Variants in PPM1A observed in about 807,000 individuals in gnomAD.
PPM1A encodes the protein protein phosphatase, Mg2+/Mn2+ dependent 1A.
In PPM1A, 7 loss-of-function variants were observed where a neutral mutation model predicts 35.0. The observed-to-expected ratio is 0.20, with a 90% CI of 0.11 to 0.38. The LOEUF (loss-of-function observed/expected upper bound fraction) is 0.38. Among genes scored for constraint, PPM1A ranks in the 10% least tolerant of loss-of-function variants. The pLI, the probability that PPM1A is intolerant of heterozygous loss-of-function variation, is 1.00. For synonymous variants in PPM1A, 153 were observed against 167.3 expected (o/e 0.91, Z 0.66); for missense variants, 239 against 467.8 (o/e 0.51, Z 4.51).
intron 3 of PPM1A, chr14:60,287,038 T>G (rs1333598333): frequency 2.1e-6 from 2 of 932,778 alleles, no homozygotes; most frequent in Non-Finnish European, 2.6e-6. Context: ...AAGAATAATA[T>G]GTATAGGGAT....
intron 1 of PPM1A, among the ~76,000 whole-genome samples, chr14:60,255,984 G>T (rs920720528): frequency 2.6e-5 from 4 of 152,192 alleles, no homozygotes; most frequent in African/African-American, 9.7e-5. Context: ...ACAGGAATTA[G>T]ATGATGTGTT....
At chr14:60,257,156 A>G (rs1883230186) in intron 1 of PPM1A, among the ~76,000 whole-genome samples, 1 of 152,204 alleles carries the variant, frequency 6.6e-6, no homozygotes, top group South Asian at 2.1e-4. Flanking sequence ...ATTCATGTTT[A>G]CTACTTTGCA....
In PPM1A at chr14:60,249,767, A is replaced by C; in HGVS notation, c.-21+90A>C. 2 of 841,054 alleles carry C rather than the reference A, an allele frequency of 2.4e-6. No homozygotes were observed. The highest frequency in any genetic ancestry group is 2.9e-6 in the Non-Finnish European group (2 of 698,608). 52.1% of individuals were successfully genotyped at this position (841,054 alleles called of 1,614,324 possible). On this transcript the variant is annotated intron_variant, in intron 1 of 5. Transcript: ENST00000395076. This position sits in a 1 kb window ranked among gnomAD's most constrained non-coding sequence, Gnocchi z 4.5. The stretch of plus-strand genomic sequence containing the variant: ...CGGGCAGGCCTGGGGCCTGTAAACA[A>C]GCCGGGCGTCTGCCCGGGCGCTCCC...
At chr14:60,286,797 G>A (rs990327840) in intron 3 of PPM1A, 8 of 980,862 alleles carry the variant, frequency 8.2e-6, no homozygotes, top group Non-Finnish European at 8.5e-6. Flanking sequence ...ATTGCTGTCC[G>A]CCACTTGATA....
chr14:60,286,328 A>G, intron 3 of PPM1A: 1 of 985,838 alleles, frequency 1.0e-6, no homozygotes, highest in Non-Finnish European at 1.2e-6. Context: ...CACCTGGCAG[A>G]AAAGTAACTG....
intron 1 of PPM1A, among the ~76,000 whole-genome samples, chr14:60,270,784 C>G (rs1454792191): frequency 6.6e-6 from 1 of 152,028 alleles, no homozygotes; most frequent in Non-Finnish European, 1.5e-5. Context: ...GGATTTTGTC[C>G]TATTAACCTG....
chr14:60,253,041 G>C (rs1221475485), intron 1 of PPM1A, among the ~76,000 whole-genome samples: 1 of 152,106 alleles, frequency 6.6e-6, no homozygotes, highest in African/African-American at 2.4e-5. Context: ...AAAGGTACAG[G>C]CTTTTAATGT....
At chr14:60,267,019 C>T (rs1360607685) in intron 1 of PPM1A, among the ~76,000 whole-genome samples, 1 of 152,068 alleles carries the variant, frequency 6.6e-6, no homozygotes, top group African/African-American at 2.4e-5. Flanking sequence ...TAAGTGATTA[C>T]TGTTAATCAT....
rs750385059 is a variant in PPM1A, at chr14:60,291,445, TGAC to T, written c.1114_1116del (p.Asp372del). The T allele has an allele frequency of 1.3e-6, 2 of 1,575,752 alleles. No individual in the cohort carries two copies. Among genetic ancestry groups the T allele is most frequent in the Admixed American group, 1.7e-5 (1 of 57,794 alleles). ...ACAATAGACTGAATCCTTACAAAAATGACGACACTGTAAGTAGCATTTTAGCTC... is the reference window on the plus strand; with the variant it reads ...ACAATAGACTGAATCCTTACAAAAATGACACTGTAAGTAGCATTTTAGCTC... On this transcript the variant is annotated inframe_deletion, in exon 5 of 6. Transcript: ENST00000395076.
chr14:60,299,019 T>C lies in PPM1A; in HGVS notation c.*6537T>C, dbSNP rs1595391504. 1 of 152,000 alleles carries C rather than the reference T, an allele frequency of 6.6e-6. No individual in the cohort carries two copies. Among genetic ancestry groups the C allele is most frequent in the Non-Finnish European group, 1.5e-5 (1 of 67,782 alleles). 9.4% of individuals were successfully genotyped at this position (152,000 alleles called of 1,614,324 possible). A position where few individuals can be genotyped will look rare whatever the true frequency, so the allele number is the denominator to read the frequency against. ...CTGCGAATGGTTGCAGATTGTATGT[T>C]AGATGAAAAGTAGAAATAATTTCTA... On this transcript the variant is annotated 3_prime_UTR_variant, in exon 6 of 6. Coordinates refer to ENST00000395076, the MANE Select transcript of PPM1A (RefSeq NM_021003.5). This position sits in a 1 kb window ranked among gnomAD's most constrained non-coding sequence, Gnocchi z 4.2.
chr14:60,270,157 C>T (rs1055713733), intron 1 of PPM1A, among the ~76,000 whole-genome samples: 2 of 151,972 alleles, frequency 1.3e-5, no homozygotes, highest in East Asian at 1.9e-4. Flanking sequence ...TTGTCCTGTT[C>T]GTTTTTACCC....
At chr14:60,259,455 T>G (rs1050768739) in intron 1 of PPM1A, among the ~76,000 whole-genome samples, 8 of 152,090 alleles carry the variant, frequency 5.3e-5, no homozygotes, top group Non-Finnish European at 1.2e-4. Flanking sequence ...AAGGATGGAT[T>G]GGATCAGGAA....
intron 1 of PPM1A, among the ~76,000 whole-genome samples, chr14:60,280,002 T>C (rs1460094027): frequency 6.6e-6 from 1 of 152,194 alleles, no homozygotes; most frequent in African/African-American, 2.4e-5. Flanking sequence ...TAGTGCCTTC[T>C]TATATACTTT....
At chr14:60,250,729 A>G (rs1203202563) in intron 1 of PPM1A, among the ~76,000 whole-genome samples, 3 of 152,240 alleles carry the variant, frequency 2.0e-5, no homozygotes, top group Non-Finnish European at 4.4e-5. Flanking sequence ...TTTGTAAAAC[A>G]GTCTTTTCAA....
intron 1 of PPM1A, among the ~76,000 whole-genome samples, chr14:60,256,315 T>TC (rs1377636344): frequency 7.9e-5 from 12 of 152,106 alleles, no homozygotes; most frequent in Admixed American, 7.9e-4. Context: ...CCGCCTGTAG[T>TC]CCCAGCTACC....
intron 1 of PPM1A, among the ~76,000 whole-genome samples, chr14:60,250,065 C>G (rs1330397876): frequency 6.6e-6 from 1 of 151,134 alleles, no homozygotes; most frequent in Non-Finnish European, 1.5e-5. Flanking sequence ...CCCGCGCCCC[C>G]ACCCGCTCGG....
intron 1 of PPM1A, among the ~76,000 whole-genome samples, chr14:60,264,497 T>A (rs1428427769): frequency 6.6e-6 from 1 of 152,218 alleles, no homozygotes; most frequent in East Asian, 1.9e-4. Context: ...ATATTATAAC[T>A]GTGACATGTT....
intron 1 of PPM1A, among the ~76,000 whole-genome samples, chr14:60,254,458 A>T (rs1882808386): frequency 6.6e-6 from 1 of 152,182 alleles, no homozygotes; most frequent in South Asian, 2.1e-4. Flanking sequence ...AGGAAGGACA[A>T]GGGTTGGTAT....
chr14:60,266,809 A>T (rs1219778411), intron 1 of PPM1A, among the ~76,000 whole-genome samples: 1 of 152,164 alleles, frequency 6.6e-6, no homozygotes. Flanking sequence ...GAAATGATTT[A>T]ATCAAGGTCT....
Sources: allele counts gnomAD v4.1 joint callset (sites outside exome capture counted in the v4.1 genomes callset), GRCh38; gene constraint gnomAD v4.1.1; non-coding constraint Gnocchi (gnomAD v3.1); transcripts MANE v1.5; gene names NCBI Gene and HGNC (gene_info 2026-07-23, HGNC 2026-07-21).